Variants in ERBB4 observed in about 807,000 individuals in gnomAD.
ERBB4 encodes the protein receptor tyrosine-protein kinase erbB-4.
A neutral mutation model predicts 158.0 loss-of-function variants in ERBB4; 42 were observed. That is an observed-to-expected ratio of 0.27 (90% CI 0.21 to 0.34). The LOEUF is 0.34. ERBB4 is among the 10% of genes least tolerant of loss of function. The pLI, the probability that ERBB4 is intolerant of heterozygous loss-of-function variation, is 1.00. For synonymous variants in ERBB4, 583 were observed against 558.7 expected (o/e 1.04, Z -0.61); for missense variants, 1,333 against 1,624.1 (o/e 0.82, Z 3.08).
rs781071795 is a variant in ERBB4, at chr2:211,705,344, A to G, written c.1172T>C (p.Val391Ala). 4 of 1,612,710 alleles carry G rather than the reference A, an allele frequency of 2.5e-6. No individual in the cohort carries two copies. The highest frequency in any genetic ancestry group is 1.1e-5 in the South Asian group (1 of 91,038). Residue 391 changes from valine (V) to alanine (A), a missense_variant, in exon 10 of 28, where the codon GTC (valine) becomes GCC (alanine). This residue lies in a region of ERBB4 where 438 missense variants were observed against 586.9 expected (regional missense o/e 0.75). Transcript: ENST00000342788. The stretch of plus-strand genomic sequence containing the variant: ...TGTTATCTCTCTGACTGTCCGAAAG[A>G]CGTTCAGTTTCTCTGGGTCTATGGC... The part of the protein sequence containing the change: ...IEAIDPEKLN[V>A]FRTVREITGF...
At chr2:211,558,334 T>C (rs1405856513) in intron 20 of ERBB4, among the ~76,000 whole-genome samples, 1 of 152,154 alleles carries the variant, frequency 6.6e-6, no homozygotes, top group African/African-American at 2.4e-5. Context: ...ACTGCTCAGC[T>C]CTGATCTGTT....
chr2:211,454,907 C>T (rs1358925500), intron 20 of ERBB4, among the ~76,000 whole-genome samples: 1 of 152,160 alleles, frequency 6.6e-6, no homozygotes, highest in Non-Finnish European at 1.5e-5. Context: ...TGTAAGGAGC[C>T]GGCTGGCTGG....
At chr2:212,470,636 T>C (rs1379879081) in intron 1 of ERBB4, among the ~76,000 whole-genome samples, 1 of 152,180 alleles carries the variant, frequency 6.6e-6, no homozygotes, top group Non-Finnish European at 1.5e-5. Context: ...AAAGCATAGA[T>C]AGATGAGAAG....
At chr2:212,256,205 C>A (rs960303963) in intron 1 of ERBB4, among the ~76,000 whole-genome samples, 1 of 152,028 alleles carries the variant, frequency 6.6e-6, no homozygotes, top group Non-Finnish European at 1.5e-5. Context: ...ATATATTTCT[C>A]ATCTGATTCT....
intron 19 of ERBB4, among the ~76,000 whole-genome samples, chr2:211,579,215 A>G (rs2067983512): frequency 6.6e-6 from 1 of 151,880 alleles, no homozygotes; most frequent in Non-Finnish European, 1.5e-5. Flanking sequence ...AACGACACTG[A>G]GATGTTGAAA....
intron 2 of ERBB4, among the ~76,000 whole-genome samples, chr2:212,090,279 T>C (rs1251557387): frequency 6.6e-6 from 1 of 152,210 alleles, no homozygotes; most frequent in Non-Finnish European, 1.5e-5. Flanking sequence ...TATAAGCCTA[T>C]TATTTGTAAT....
chr2:211,884,784 G>A (rs912920721), intron 3 of ERBB4, among the ~76,000 whole-genome samples: 4 of 152,076 alleles, frequency 2.6e-5, no homozygotes, highest in African/African-American at 9.7e-5. Context: ...AGTGAAGACT[G>A]GAATTTTCCA....
At chr2:212,414,805 G>A (rs1671930356) in intron 1 of ERBB4, among the ~76,000 whole-genome samples, 1 of 152,162 alleles carries the variant, frequency 6.6e-6, no homozygotes, top group South Asian at 2.1e-4. Context: ...AAGACATGGA[G>A]GCTAACTCAC....
At chr2:211,863,194 C>T (rs868550646) in intron 3 of ERBB4, among the ~76,000 whole-genome samples, 4 of 149,542 alleles carry the variant, frequency 2.7e-5, no homozygotes, top group South Asian at 2.1e-4. Flanking sequence ...TCTGCAAAAA[C>T]GCACCAATCA....
At chr2:212,399,536 TTATA>T (rs1298944300) in intron 1 of ERBB4, among the ~76,000 whole-genome samples, 1,340 of 20,290 alleles carry the variant, frequency 0.066, 47 homozygotes, top group African/African-American at 0.27. Flanking sequence ...GATATATATT[TTATA>T]TATACATATA....
chr2:211,996,314 C>G (rs1053917754), intron 2 of ERBB4, among the ~76,000 whole-genome samples: 1 of 150,968 alleles, frequency 6.6e-6, no homozygotes, highest in Non-Finnish European at 1.5e-5. Flanking sequence ...AAACATTATC[C>G]TTGTTTTATT....
chr2:211,428,550 A>G lies in ERBB4; in HGVS notation c.2644-67T>C. On this transcript the variant is annotated intron_variant, in intron 21 of 27. Coordinates refer to ENST00000342788, the MANE Select transcript of ERBB4 (RefSeq NM_005235.3). ...AAATTCATTTCTATATGTATTTCCTAAATGTGAGTCTTTGGGCTGGCCTTA... is the reference window on the plus strand; with the variant it reads ...AAATTCATTTCTATATGTATTTCCTGAATGTGAGTCTTTGGGCTGGCCTTA... 3.5e-6 allele frequency: 3 copies of G among 853,122 alleles called. No individual in the cohort carries two copies. The South Asian group carries it at 4.1e-5, about 12-fold the overall frequency. The allele number at this position is 853,122 out of a possible 1,614,324, so 52.8% of individuals were successfully genotyped here. A position where few individuals can be genotyped will look rare whatever the true frequency, so the allele number is the denominator to read the frequency against.
At chr2:211,913,724 G>C (rs2079606714) in intron 3 of ERBB4, among the ~76,000 whole-genome samples, 2 of 150,932 alleles carry the variant, frequency 1.3e-5, no homozygotes, top group African/African-American at 2.4e-5. Flanking sequence ...ATTTGGTATA[G>C]TGTCTATCAC....
intron 20 of ERBB4, among the ~76,000 whole-genome samples, chr2:211,519,195 T>C (rs1283178227): frequency 3.3e-5 from 5 of 152,154 alleles, no homozygotes; most frequent in Non-Finnish European, 7.3e-5. Context: ...GCTGTATAAA[T>C]TTAGAAAGTT....
At chr2:211,876,103 A>G (rs894604625) in intron 3 of ERBB4, among the ~76,000 whole-genome samples, 7 of 152,324 alleles carry the variant, frequency 4.6e-5, no homozygotes, top group Middle Eastern at 3.4e-3. Context: ...CTCAGCAGTC[A>G]TAAGAAGGCT....
At chr2:212,372,488 A>G (rs1016846391) in intron 1 of ERBB4, among the ~76,000 whole-genome samples, 3 of 152,168 alleles carry the variant, frequency 2.0e-5, no homozygotes, top group African/African-American at 7.2e-5. Flanking sequence ...GGTGGCTCAC[A>G]CCTGTAATCC....
intron 15 of ERBB4, among the ~76,000 whole-genome samples, chr2:211,661,912 G>A (rs1269920390): frequency 6.8e-6 from 1 of 147,732 alleles, no homozygotes; most frequent in African/African-American, 2.5e-5. Context: ...AGTGGCGGGC[G>A]CCTGTAGTCC....
intron 1 of ERBB4, among the ~76,000 whole-genome samples, chr2:212,363,348 T>C (rs898857381): frequency 2.6e-5 from 4 of 151,484 alleles, no homozygotes; most frequent in Non-Finnish European, 4.4e-5. Flanking sequence ...GGCTTTTAAC[T>C]GATATTTATT....
In ERBB4 at chr2:211,947,568, G is replaced by A. The variant is rs569995088; in HGVS notation, c.283C>T (p.Arg95Cys). 25 of 1,613,720 alleles carry A rather than the reference G, an allele frequency of 1.5e-5. No homozygotes were observed. Among genetic ancestry groups the A allele is most frequent in the South Asian group, 3.3e-5 (3 of 91,060 alleles). Residue 95 changes from arginine (R) to cysteine (C), a missense_variant, in exon 3 of 28, where the codon CGT (arginine) becomes TGT (cysteine). Arg to Cys is a radical substitution (Grantham distance 180, BLOSUM62 -3). This residue lies in a region of ERBB4 where 438 missense variants were observed against 586.9 expected (regional missense o/e 0.75). Coordinates refer to ENST00000342788, the MANE Select transcript of ERBB4 (RefSeq NM_005235.3). ...CGTAAATTCTCCAGAGGCAGGTAAC[G>A]AAACTGATTAAGAGCCACTAACACG... ...GYVLVALNQF[R>C]YLPLENLRII...
Sources: allele counts gnomAD v4.1 joint callset (sites outside exome capture counted in the v4.1 genomes callset), GRCh38; gene constraint gnomAD v4.1.1; regional missense constraint gnomAD v4.1.1; transcripts MANE v1.5; gene names NCBI Gene and HGNC (gene_info 2026-07-23, HGNC 2026-07-21).